Variants in SUPT3H observed in about 807,000 individuals in gnomAD.
SUPT3H encodes the protein SPT3 homolog, SAGA and STAGA complex component.
A neutral mutation model predicts 44.3 loss-of-function variants in SUPT3H; 44 were observed. That is an observed-to-expected ratio of 0.99 (90% CI 0.78 to 1.28). SUPT3H has a LOEUF of 1.28. Ranked by LOEUF, SUPT3H falls within the 50% of genes most tolerant of loss-of-function variation. The pLI is 0.00. For missense variants in SUPT3H, 380 were observed against 387.1 expected, an observed-to-expected ratio of 0.98 and a Z score of 0.15; for synonymous variants, 124 against 125.6, an observed-to-expected ratio of 0.99 and a Z score of 0.09.
chr6:45,283,402 A>T (rs1022073376), intron 2 of SUPT3H, among the ~76,000 whole-genome samples: 4 of 152,310 alleles, frequency 2.6e-5, no homozygotes, highest in African/African-American at 4.8e-5. Flanking sequence ...TCTACCAAGC[A>T]AATGGAAAAC....
At chr6:45,150,870 G>A (rs765230045) in intron 2 of SUPT3H, among the ~76,000 whole-genome samples, 3 of 151,932 alleles carry the variant, frequency 2.0e-5, no homozygotes, top group Admixed American at 6.6e-5. Flanking sequence ...CTACAGGCGT[G>A]CGCCACCATG....
chr6:45,041,462 TGA>T (rs1788522649), intron 3 of SUPT3H, among the ~76,000 whole-genome samples: 1 of 152,110 alleles, frequency 6.6e-6, no homozygotes, highest in Admixed American at 6.5e-5. Flanking sequence ...TATGAGAAAC[TGA>T]GAGATGACAA....
At chr6:44,886,332 G>C (rs1360001483) in intron 10 of SUPT3H, among the ~76,000 whole-genome samples, 6 of 152,138 alleles carry the variant, frequency 3.9e-5, no homozygotes, top group South Asian at 4.2e-4. Context: ...CACCAAAGTT[G>C]AAATGAAGGA....
chr6:45,233,309 G>C (rs1768427666), intron 2 of SUPT3H, among the ~76,000 whole-genome samples: 1 of 152,154 alleles, frequency 6.6e-6, no homozygotes, highest in South Asian at 2.1e-4. Context: ...GTGGAAATAT[G>C]GGAGCTGTGG....
At chr6:45,117,797 T>C (rs148388679) in intron 2 of SUPT3H, among the ~76,000 whole-genome samples, 1 of 152,220 alleles carries the variant, frequency 6.6e-6, no homozygotes, top group African/African-American at 2.4e-5. Flanking sequence ...CTACATAATA[T>C]ATTCCATTAG....
At chr6:45,045,929 T>C (rs925957891) in intron 3 of SUPT3H, among the ~76,000 whole-genome samples, 5 of 152,204 alleles carry the variant, frequency 3.3e-5, no homozygotes, top group African/African-American at 1.2e-4. Flanking sequence ...AAGTTCAATG[T>C]ATCACTTTTT....
intron 3 of SUPT3H, among the ~76,000 whole-genome samples, chr6:45,045,045 C>T (rs1233611341): frequency 3.9e-5 from 6 of 152,106 alleles, no homozygotes; most frequent in African/African-American, 1.4e-4. Flanking sequence ...CATCTATACC[C>T]ACTATGTCAC....
At chr6:45,053,420 T>C (rs190881419) in intron 3 of SUPT3H, among the ~76,000 whole-genome samples, 1 of 152,158 alleles carries the variant, frequency 6.6e-6, no homozygotes, top group East Asian at 1.9e-4. Flanking sequence ...AGATACCTGA[T>C]GGGGTTCAAG....
chr6:45,024,278 T>C (rs554902622), intron 3 of SUPT3H, among the ~76,000 whole-genome samples: 125 of 152,320 alleles, frequency 8.2e-4, no homozygotes, highest in Admixed American at 8.0e-3. Flanking sequence ...GCCACATCTT[T>C]GACCCTATAA....
chr6:45,134,723 A>G (rs560624909), intron 2 of SUPT3H, among the ~76,000 whole-genome samples: 1 of 152,324 alleles, frequency 6.6e-6, no homozygotes, highest in South Asian at 2.1e-4. Flanking sequence ...CCAACAAGGA[A>G]AACAACATTA....
chr6:45,020,494 G>T, intron 4 of SUPT3H, 52 bp downstream of exon 4: 1 of 1,393,972 alleles, frequency 7.2e-7, no homozygotes, highest in Non-Finnish European at 1.0e-6. Flanking sequence ...CCACATGCAA[G>T]TTCAATTAAA....
At chr6:45,101,400 G>C (rs930475163) in intron 3 of SUPT3H, among the ~76,000 whole-genome samples, 2 of 152,202 alleles carry the variant, frequency 1.3e-5, no homozygotes, top group African/African-American at 4.8e-5. Flanking sequence ...ACTCCAGCCT[G>C]GGCAACAAGA....
At chr6:45,233,938 C>A (rs1049207365) in intron 2 of SUPT3H, among the ~76,000 whole-genome samples, 3 of 152,122 alleles carry the variant, frequency 2.0e-5, no homozygotes, top group Non-Finnish European at 4.4e-5. Flanking sequence ...AATAAAAACA[C>A]CCTTGCTGTC....
rs777311915 is a variant in SUPT3H at position 45,003,812 on chromosome 6, A to G, written c.365-20T>C. On this transcript the variant is annotated intron_variant, in intron 5 of 10. Coordinates refer to ENST00000371459, the MANE Select transcript of SUPT3H (RefSeq NM_003599.4). The stretch of plus-strand genomic sequence containing the variant: ...ATTTGTCTTCATGAAGTCAAGGGAA[A>G]GAAAAAAAGAAATGTTCTCAATAGG... 10 of 1,612,470 alleles carry G rather than the reference A, an allele frequency of 6.2e-6. No homozygotes were observed. Among genetic ancestry groups the G allele is most frequent in the Non-Finnish European group, 2.5e-6 (3 of 1,179,488 alleles).
At chr6:45,115,013 A>T (rs1014542967) in intron 2 of SUPT3H, among the ~76,000 whole-genome samples, 2 of 152,182 alleles carry the variant, frequency 1.3e-5, no homozygotes, top group African/African-American at 4.8e-5. Flanking sequence ...AATGGACTTT[A>T]CTATCTTAGA....
chr6:44,957,866 G>C (rs1775440881), intron 7 of SUPT3H, among the ~76,000 whole-genome samples: 1 of 152,108 alleles, frequency 6.6e-6, no homozygotes, highest in Non-Finnish European at 1.5e-5. Context: ...AAACCACTTG[G>C]GTTATTGCTG....
intron 2 of SUPT3H, among the ~76,000 whole-genome samples, chr6:45,173,507 A>T (rs1189751704): frequency 6.6e-6 from 1 of 152,242 alleles, no homozygotes; most frequent in African/African-American, 2.4e-5. Context: ...ATTTAAATCA[A>T]ATCAGGTTTA....
intron 2 of SUPT3H, among the ~76,000 whole-genome samples, chr6:45,185,010 C>T (rs12206568): frequency 0.22 from 33,288 of 152,062 alleles, 4,465 homozygotes; most frequent in Non-Finnish European, 0.31. Context: ...ACTTACCCAA[C>T]AGTAGTCAAT....
At chr6:44,922,707 AAAT>A (rs1582516366) in intron 10 of SUPT3H, among the ~76,000 whole-genome samples, 1 of 152,196 alleles carries the variant, frequency 6.6e-6, no homozygotes, top group Non-Finnish European at 1.5e-5. Context: ...TAAAAAATGA[AAAT>A]AATATTTTTG....
Sources: gnomAD v4.1 joint callset for allele counts (sites outside exome capture counted in the v4.1 genomes callset) on GRCh38, gnomAD v4.1.1 for gene constraint, MANE v1.5 for transcripts, NCBI Gene and HGNC (gene_info 2026-07-23, HGNC 2026-07-21) for gene names.